COLEC12: variants seen among roughly 807,000 people sequenced by gnomAD.
COLEC12 encodes the protein collectin-12.
COLEC12 carries 33 observed loss-of-function variants against 71.1 expected under a neutral mutation model. The observed-to-expected ratio is 0.46, with a 90% CI of 0.35 to 0.62. COLEC12 has a LOEUF of 0.62. Among genes scored for constraint, COLEC12 ranks in the 20% least tolerant of loss-of-function variants. The probability of loss-of-function intolerance (pLI) is 0.00; values close to 1 mark genes in which losing one functional copy is unlikely to be tolerated. For missense variants in COLEC12, 765 were observed against 916.1 expected (o/e 0.84, Z 2.13); for synonymous variants, 350 against 353.0 (o/e 0.99, Z 0.10).
chr18:465,106 ATGTTT>A (rs888334721), intron 2 of COLEC12, among the ~76,000 whole-genome samples: 2 of 152,152 alleles, frequency 1.3e-5, no homozygotes, highest in African/African-American at 4.8e-5. Flanking sequence ...ATTGTTAATT[ATGTTT>A]TGTTTTGTTT....
At chr18:340,919 C>T (rs1252479809) in intron 5 of COLEC12, among the ~76,000 whole-genome samples, 4 of 152,206 alleles carry the variant, frequency 2.6e-5, no homozygotes, top group Non-Finnish European at 5.9e-5. Context: ...TATTTAACCA[C>T]TGTTTCTTGC....
intron 2 of COLEC12, among the ~76,000 whole-genome samples, chr18:449,832 GCTGCA>G (rs1421195066): frequency 6.6e-6 from 1 of 152,200 alleles, no homozygotes; most frequent in Non-Finnish European, 1.5e-5. Context: ...CTTTCTCAGA[GCTGCA>G]CTGCAGTCTG....
At chr18:321,948 C>T (rs1303506478) in intron 8 of COLEC12, 141 bp from the exon 9 acceptor site, 1 of 795,046 alleles carries the variant, frequency 1.3e-6, no homozygotes, top group Non-Finnish European at 2.0e-6. Flanking sequence ...AAAATCAGTA[C>T]ATGCTCTTAT....
chr18:410,336 G>A (rs189238751), intron 2 of COLEC12, among the ~76,000 whole-genome samples: 2 of 152,096 alleles, frequency 1.3e-5, no homozygotes, highest in Admixed American at 1.3e-4. Flanking sequence ...CTAAAATCCT[G>A]ACATCAGATA....
intron 2 of COLEC12, among the ~76,000 whole-genome samples, chr18:410,974 G>A: frequency 6.6e-6 from 1 of 152,132 alleles, no homozygotes; most frequent in East Asian, 1.9e-4. Flanking sequence ...ACCCCACTGG[G>A]GTGGGGTAAG....
At chr18:414,259 A>G (rs2143641287) in intron 2 of COLEC12, among the ~76,000 whole-genome samples, 1 of 152,314 alleles carries the variant, frequency 6.6e-6, no homozygotes, top group African/African-American at 2.4e-5. Context: ...AAATTGGTAA[A>G]GAGAGTAAGC....
chr18:432,735 GTCTA>G (rs1446408020), intron 2 of COLEC12, among the ~76,000 whole-genome samples: 2 of 125,344 alleles, frequency 1.6e-5, no homozygotes, highest in East Asian at 2.6e-4. Context: ...CTGATATACT[GTCTA>G]TCTGATTTTG....
chr18:495,097 T>C (rs991368032), intron 1 of COLEC12, among the ~76,000 whole-genome samples: 3 of 152,258 alleles, frequency 2.0e-5, no homozygotes, highest in African/African-American at 7.2e-5. Context: ...CTTTCACTGC[T>C]GTATAATTAC....
chr18:358,185 GA>G (rs1416073675), intron 2 of COLEC12, among the ~76,000 whole-genome samples: 3 of 152,002 alleles, frequency 2.0e-5, no homozygotes, highest in African/African-American at 7.3e-5. Flanking sequence ...AAAGGTAGGG[GA>G]CCACTGTCCT....
intron 2 of COLEC12, among the ~76,000 whole-genome samples, chr18:428,294 A>C (rs533445742): frequency 6.6e-6 from 1 of 152,254 alleles, no homozygotes; most frequent in Non-Finnish European, 1.5e-5. Flanking sequence ...TTTCTACCCA[A>C]TATTGATTCA....
intron 2 of COLEC12, among the ~76,000 whole-genome samples, chr18:472,532 T>A (rs960900967): frequency 1.5e-4 from 23 of 151,552 alleles, no homozygotes; most frequent in African/African-American, 3.1e-4. Context: ...AAAATTTTTT[T>A]AAAAATTGGC....
At position 319,334 on chromosome 18, in the gene COLEC12, AAAAAAAAAT is replaced by A. The variant is rs1203438913; in HGVS notation, c.*702_*710del. 1.7e-4 allele frequency: 9 copies of A among 53,834 alleles called. No homozygotes were observed. The highest frequency in any genetic ancestry group is 7.3e-4 in the South Asian group (1 of 1,374). 3.3% of individuals were successfully genotyped at this position (53,834 alleles called of 1,614,324 possible). ...GAAATGAAACATTAAAAAAAAAAAAAAAAAAAAATATATATATATATATATATATACACA... is the reference window on the plus strand; with the variant it reads ...GAAATGAAACATTAAAAAAAAAAAAAATATATATATATATATATATACACA... On this transcript the variant is annotated 3_prime_UTR_variant, in exon 10 of 10. Coordinates refer to ENST00000400256, the MANE Select transcript of COLEC12 (RefSeq NM_130386.3).
chr18:487,779 T>A (rs984907424), intron 1 of COLEC12, among the ~76,000 whole-genome samples: 28 of 152,194 alleles, frequency 1.8e-4, no homozygotes, highest in African/African-American at 6.8e-4. Context: ...AATAAACTAA[T>A]GGTTCTAATT....
At chr18:413,685 C>A (rs149261708) in intron 2 of COLEC12, among the ~76,000 whole-genome samples, 1 of 152,142 alleles carries the variant, frequency 6.6e-6, no homozygotes, top group Non-Finnish European at 1.5e-5. Context: ...AGCATCTGTA[C>A]GTGAATGTTT....
intron 2 of COLEC12, among the ~76,000 whole-genome samples, chr18:448,179 G>T (rs1485829476): frequency 6.6e-6 from 1 of 152,186 alleles, no homozygotes; most frequent in East Asian, 1.9e-4. Context: ...ACTTTTTGTA[G>T]TAATCTTCTT....
At chr18:330,952 T>C (rs565012585) in intron 8 of COLEC12, among the ~76,000 whole-genome samples, 1 of 150,890 alleles carries the variant, frequency 6.6e-6, no homozygotes, top group Non-Finnish European at 1.5e-5. Context: ...CCATCTCGGC[T>C]TGCTACAACC....
intron 2 of COLEC12, among the ~76,000 whole-genome samples, chr18:360,268 T>C (rs896945379): frequency 3.3e-5 from 5 of 151,728 alleles, no homozygotes; most frequent in Non-Finnish European, 7.4e-5. Context: ...CTGCAACCTC[T>C]GCCTCCCGGG....
intron 2 of COLEC12, among the ~76,000 whole-genome samples, chr18:372,139 G>A (rs899544483): frequency 9.2e-5 from 14 of 152,212 alleles, no homozygotes; most frequent in East Asian, 3.9e-4. Flanking sequence ...GGGACACTAC[G>A]TTTAGACAGT....
intron 9 of COLEC12, 129 bp downstream of exon 9, chr18:321,533 A>T: frequency 2.2e-6 from 2 of 921,678 alleles, no homozygotes; most frequent in Non-Finnish European, 3.4e-6. Context: ...CTGCCCAGTT[A>T]ATAAATGGCA....
Sources: gnomAD v4.1 joint callset for allele counts (sites outside exome capture counted in the v4.1 genomes callset) on GRCh38, gnomAD v4.1.1 for gene constraint, MANE v1.5 for transcripts, NCBI Gene and HGNC (gene_info 2026-07-23, HGNC 2026-07-21) for gene names.